Variants in CLASP2 observed in about 807,000 individuals in gnomAD.
CLASP2 encodes the protein CLIP-associating protein 2.
CLASP2 carries 47 observed loss-of-function variants against 194.4 expected under a neutral mutation model. The ratio of observed to expected loss-of-function variants is 0.24; its 90% CI spans 0.19 to 0.31. CLASP2 has a LOEUF of 0.31. Ranked by LOEUF, CLASP2 falls within the 10% of genes least tolerant of loss-of-function variation. The probability of loss-of-function intolerance (pLI) is 1.00; values close to 1 mark genes in which losing one functional copy is unlikely to be tolerated. For missense variants in CLASP2, 1,445 were observed against 1,823.6 expected (o/e 0.79, Z 3.78); for synonymous variants, 619 against 633.5 (o/e 0.98, Z 0.34).
At chr3:33,534,498 A>G (rs936511275) in intron 34 of CLASP2, among the ~76,000 whole-genome samples, 1 of 152,196 alleles carries the variant, frequency 6.6e-6, no homozygotes, top group Non-Finnish European at 1.5e-5. Flanking sequence ...GCCTACGAGG[A>G]CAAGGCTGCA....
chr3:33,569,285 G>A (rs975100960), intron 26 of CLASP2, among the ~76,000 whole-genome samples: 2 of 152,090 alleles, frequency 1.3e-5, no homozygotes, highest in African/African-American at 4.8e-5. Context: ...ATACATCATG[G>A]CATCCAACCA....
rs1025082546 is a variant in CLASP2 at position 33,717,993 on chromosome 3, G to A, written c.10C>T (p.Arg4Cys). Reference protein sequence around the residue: MEPRSMEYFCAQVQ... With the variant: MEPCSMEYFCAQVQ... ...TGGGCGCAGAAGTACTCCATGCTGC[G>A]GGGCTCCATGGCTGCGGCCGCCCGC... Residue 4 changes from arginine (R) to cysteine (C), a missense_variant, in exon 1 of 39, where the codon CGC becomes TGC. Coordinates refer to ENST00000682230, the MANE Select transcript of CLASP2 (RefSeq NM_001365631.1). 2 of 1,498,026 alleles carry A rather than the reference G, an allele frequency of 1.3e-6. No homozygotes were observed. The highest frequency in any genetic ancestry group is 2.3e-5 in the Admixed American group (1 of 42,638). 92.8% of individuals were successfully genotyped at this position (1,498,026 alleles called of 1,614,324 possible).
chr3:33,657,207 T>C, intron 7 of CLASP2, among the ~76,000 whole-genome samples: 1 of 152,176 alleles, frequency 6.6e-6, no homozygotes, highest in East Asian at 1.9e-4. Flanking sequence ...TACATGATTC[T>C]GGTATAGTGT....
intron 31 of CLASP2, 102 bp from the exon 32 acceptor site, chr3:33,543,641 G>T: frequency 1.5e-6 from 1 of 687,010 alleles, no homozygotes; most frequent in Non-Finnish European, 2.6e-6. Context: ...CATATTAAAG[G>T]GCCATATTTA....
intron 6 of CLASP2, among the ~76,000 whole-genome samples, chr3:33,678,249 A>T (rs557417428): frequency 1.3e-5 from 2 of 152,276 alleles, no homozygotes; most frequent in Admixed American, 6.5e-5. Context: ...GCCAGATACC[A>T]AACCGCAGAT....
At chr3:33,627,566 TATTCTTTCATTC>T (rs1414726429) in intron 9 of CLASP2, among the ~76,000 whole-genome samples, 3 of 152,150 alleles carry the variant, frequency 2.0e-5, no homozygotes, top group African/African-American at 7.2e-5. Flanking sequence ...TGTTCACCAT[TATTCTTTCATTC>T]ATTTAACAAA....
chr3:33,658,831 TACACACAAGTGTACACACATGCATAA>T, intron 7 of CLASP2: 3 of 687,232 alleles, frequency 4.4e-6, no homozygotes, highest in South Asian at 4.3e-5. Flanking sequence ...TGCATAAATG[TACACACAAGTGTACACACATGCATAA>T]ACACACAAGT....
At chr3:33,601,808 A>G (rs1191850132) in intron 18 of CLASP2, among the ~76,000 whole-genome samples, 1 of 152,118 alleles carries the variant, frequency 6.6e-6, no homozygotes, top group Admixed American at 6.5e-5. Context: ...ATTCCTCTTC[A>G]CGGTTCTGAA....
At chr3:33,503,952 A>C (rs1411025629) in intron 37 of CLASP2, 1 of 152,152 alleles carries the variant, frequency 6.6e-6, no homozygotes, top group Non-Finnish European at 1.5e-5. Flanking sequence ...CTTTTCACGT[A>C]CTTGCTGGCC....
At chr3:33,710,499 G>A (rs1160048992) in intron 1 of CLASP2, among the ~76,000 whole-genome samples, 1 of 152,132 alleles carries the variant, frequency 6.6e-6, no homozygotes, top group East Asian at 1.9e-4. Context: ...CTTGAGCCCA[G>A]GAATTGGAGG....
chr3:33,548,077 G>A (rs1247868727), intron 30 of CLASP2, among the ~76,000 whole-genome samples: 1 of 151,542 alleles, frequency 6.6e-6, no homozygotes, highest in South Asian at 2.1e-4. Flanking sequence ...TGCCTGGCTT[G>A]TGCATAGTTT....
At chr3:33,716,720 T>G (rs1327580805) in intron 1 of CLASP2, among the ~76,000 whole-genome samples, 1 of 152,236 alleles carries the variant, frequency 6.6e-6, no homozygotes, top group Non-Finnish European at 1.5e-5. Flanking sequence ...AGAGATGGTA[T>G]GTAATGAAGC....
rs189028922 is a variant in CLASP2, at chr3:33,541,381, T to C, written c.3404+2052A>G. Among the ~76,000 whole-genome samples, 215 of 152,272 alleles carry C rather than the reference T, an allele frequency of 1.4e-3. 1 individual carries two copies. Among genetic ancestry groups the C allele is most frequent in the African/African-American group, 4.8e-3 (199 of 41,562 alleles). ...GTTCAGGATGTGCAGACTTGTTACA[T>C]AGGCAAACGTGTGTCATGGGGGTTT... On this transcript the variant is annotated intron_variant, in intron 32 of 38. Transcript: ENST00000682230.
At chr3:33,585,171 CTA>C in intron 21 of CLASP2, among the ~76,000 whole-genome samples, 1 of 151,648 alleles carries the variant, frequency 6.6e-6, no homozygotes, top group African/African-American at 2.4e-5. Flanking sequence ...GTATAAGACA[CTA>C]TGTTTAATAA....
chr3:33,645,667 G>A (rs1167184715), intron 7 of CLASP2, among the ~76,000 whole-genome samples: 1 of 152,010 alleles, frequency 6.6e-6, no homozygotes, highest in Non-Finnish European at 1.5e-5. Flanking sequence ...TATTTGACAT[G>A]AAAATTTATA....
intron 6 of CLASP2, among the ~76,000 whole-genome samples, chr3:33,667,259 A>G (rs141679304): frequency 9.9e-5 from 15 of 152,092 alleles, no homozygotes; most frequent in Non-Finnish European, 1.8e-4. Flanking sequence ...TGAAAATACA[A>G]AACATAGCTG....
intron 11 of CLASP2, among the ~76,000 whole-genome samples, chr3:33,620,534 A>C (rs569604552): frequency 1.3e-5 from 2 of 152,292 alleles, no homozygotes; most frequent in East Asian, 3.9e-4. Context: ...CGACCTATGC[A>C]CTGTTATAAT....
Position 33,659,351 on chromosome 3 carries a change from G to C in CLASP2, c.715+4094C>G, listed in dbSNP as rs1378984565. 4 of 1,091,388 alleles carry C rather than the reference G, an allele frequency of 3.7e-6. No homozygotes were observed. The Admixed American group carries it at 2.0e-4, about 56-fold the overall frequency. The allele number at this position is 1,091,388 out of a possible 1,614,324, so 67.6% of individuals were successfully genotyped here. On this transcript the variant is annotated intron_variant, in intron 7 of 38. Transcript: ENST00000682230. ...AGAGCCAATAAATGCCATCCCGCTG[G>C]GGGACTTTTAATGCAATCATCAAAA...
At chr3:33,529,931 T>C (rs2055759406) in intron 34 of CLASP2, among the ~76,000 whole-genome samples, 3 of 141,216 alleles carry the variant, frequency 2.1e-5, no homozygotes, top group South Asian at 2.3e-4. Context: ...TGAGCCGAGA[T>C]TGCGCCACTG....
Sources: gnomAD v4.1 joint callset for allele counts (sites outside exome capture counted in the v4.1 genomes callset) on GRCh38, gnomAD v4.1.1 for gene constraint, MANE v1.5 for transcripts, NCBI Gene and HGNC (gene_info 2026-07-23, HGNC 2026-07-21) for gene names.